LRRC4C: variants seen among roughly 807,000 people sequenced by gnomAD.
LRRC4C encodes leucine rich repeat containing 4C.
A neutral mutation model predicts 33.6 loss-of-function variants in LRRC4C; 5 were observed. The ratio of observed to expected loss-of-function variants is 0.15; its 90% CI spans 0.08 to 0.31. The LOEUF (loss-of-function observed/expected upper bound fraction) is 0.31, where lower values mean the gene tolerates loss of function less well. Among genes scored for constraint, LRRC4C ranks in the 10% least tolerant of loss-of-function variants. The pLI is 1.00. For synonymous variants in LRRC4C, 329 were observed against 302.0 expected, an observed-to-expected ratio of 1.09 and a Z score of -0.93; for missense variants, 560 against 796.7, an observed-to-expected ratio of 0.70 and a Z score of 3.58.
At chr11:40,675,764 T>G (rs534549571) in intron 2 of LRRC4C, among the ~76,000 whole-genome samples, 1 of 152,374 alleles carries the variant, frequency 6.6e-6, no homozygotes, top group Non-Finnish European at 1.5e-5. Flanking sequence ...TCACACAGTC[T>G]TTTGAATGCC....
At chr11:40,172,922 C>T (rs1364766752) in intron 5 of LRRC4C, among the ~76,000 whole-genome samples, 1 of 152,086 alleles carries the variant, frequency 6.6e-6, no homozygotes, top group African/African-American at 2.4e-5. Flanking sequence ...TCAAAAATGA[C>T]TGATCTCCTT....
intron 1 of LRRC4C, among the ~76,000 whole-genome samples, chr11:41,380,716 C>A (rs182992572): frequency 2.0e-5 from 3 of 152,128 alleles, no homozygotes; most frequent in South Asian, 2.1e-4. Context: ...AGGAATTTGC[C>A]AAATCCATTT....
intron 1 of LRRC4C, among the ~76,000 whole-genome samples, chr11:41,284,295 C>T (rs141046936): frequency 1.3e-5 from 2 of 152,180 alleles, no homozygotes; most frequent in Non-Finnish European, 2.9e-5. Context: ...TGTGAAAGTG[C>T]GTTTTACATA....
intron 1 of LRRC4C, among the ~76,000 whole-genome samples, chr11:40,975,484 C>T (rs956324269): frequency 6.6e-6 from 1 of 152,222 alleles, no homozygotes. Context: ...TTCTCTTCAT[C>T]CTTTAAAATA....
intron 1 of LRRC4C, among the ~76,000 whole-genome samples, chr11:41,458,722 A>T (rs1237824553): frequency 6.6e-6 from 1 of 152,112 alleles, no homozygotes; most frequent in Non-Finnish European, 1.5e-5. Flanking sequence ...GGGACCATGT[A>T]GGGTAAGAGG....
intron 3 of LRRC4C, among the ~76,000 whole-genome samples, chr11:40,575,953 TATATCTCAATATCAA>T (rs1336449796): frequency 6.6e-6 from 1 of 152,232 alleles, no homozygotes; most frequent in Non-Finnish European, 1.5e-5. Context: ...CTTATAAAAT[TATATCTCAATATCAA>T]ATAGCCAACA....
intron 5 of LRRC4C, among the ~76,000 whole-genome samples, chr11:40,186,269 A>G (rs1861393411): frequency 6.6e-6 from 1 of 152,086 alleles, no homozygotes; most frequent in South Asian, 2.1e-4. Flanking sequence ...AATTTTAGTT[A>G]ATGCTTTTCC....
chr11:40,828,729 A>T (rs1565108249), intron 2 of LRRC4C, among the ~76,000 whole-genome samples: 1 of 151,728 alleles, frequency 6.6e-6, no homozygotes, highest in Non-Finnish European at 1.5e-5. Flanking sequence ...CCTCTCTAGG[A>T]TTTCATTTCC....
chr11:40,756,729 G>A lies in LRRC4C; in HGVS notation c.-406-108451C>T, dbSNP rs559056043. 2.1e-4 allele frequency among the ~76,000 whole-genome samples: 32 copies of A among 152,064 alleles called. No homozygotes were observed. In the East Asian group the frequency reaches 4.8e-3, roughly 23 times the overall value. ...TAATATTTAATGTGAAGCATCCTAAGCAATGCATTTTCAAAACATTTTCAC... is the reference window on the plus strand; with the variant it reads ...TAATATTTAATGTGAAGCATCCTAAACAATGCATTTTCAAAACATTTTCAC... On this transcript the variant is annotated intron_variant, in intron 2 of 6. Coordinates refer to ENST00000528697, the MANE Select transcript of LRRC4C (RefSeq NM_001258419.2).
In LRRC4C at chr11:41,326,394, C is replaced by G. The variant is rs1951118958; in HGVS notation, c.-496+133037G>C. ...AGGTTTTGGGACTCAAACTGTTTTC[C>G]TTGCTCCTCAGCTTGCAGACAGCCT... is the stretch of plus-strand genomic sequence containing the variant. On this transcript the variant is annotated intron_variant, in intron 1 of 6. Coordinates refer to ENST00000528697, the MANE Select transcript of LRRC4C (RefSeq NM_001258419.2). 2.0e-5 allele frequency among the ~76,000 whole-genome samples: 3 copies of G among 151,998 alleles called. No homozygotes were observed. The South Asian group carries it at 6.2e-4, about 32-fold the overall frequency.
intron 2 of LRRC4C, among the ~76,000 whole-genome samples, chr11:40,867,732 G>C (rs1448172222): frequency 6.6e-6 from 1 of 152,156 alleles, no homozygotes; most frequent in Non-Finnish European, 1.5e-5. Context: ...GACAACAGCT[G>C]AATTTAAATT....
chr11:40,816,442 C>G (rs1045449236), intron 2 of LRRC4C, among the ~76,000 whole-genome samples: 1 of 152,188 alleles, frequency 6.6e-6, no homozygotes, highest in Admixed American at 6.5e-5. Flanking sequence ...TTGTAAACTA[C>G]TCTGCCTGAA....
intron 1 of LRRC4C, among the ~76,000 whole-genome samples, chr11:41,121,052 C>G (rs953276880): frequency 2.0e-5 from 3 of 152,056 alleles, no homozygotes; most frequent in African/African-American, 7.2e-5. Flanking sequence ...TATAAATTAC[C>G]CAGTCTCAGG....
chr11:40,951,104 T>TATAAATAAGG (rs1353776698), intron 1 of LRRC4C, among the ~76,000 whole-genome samples: 1 of 151,994 alleles, frequency 6.6e-6, no homozygotes, highest in Admixed American at 6.6e-5. Context: ...CCATTCTGCA[T>TATAAATAAGG]ATAAATAAGG....
chr11:40,766,087 A>T (rs1949437999), intron 2 of LRRC4C, among the ~76,000 whole-genome samples: 1 of 151,500 alleles, frequency 6.6e-6, no homozygotes, highest in Non-Finnish European at 1.5e-5. Flanking sequence ...CAGCAAGAAA[A>T]AAAAAAAAAC....
At chr11:40,868,267 GGGAATGTGGT>G (rs1317444375) in intron 2 of LRRC4C, among the ~76,000 whole-genome samples, 2 of 152,098 alleles carry the variant, frequency 1.3e-5, no homozygotes, top group Non-Finnish European at 2.9e-5. Flanking sequence ...AAAAGGAACA[GGGAATGTGGT>G]TTTAATTGCC....
At position 40,218,842 on chromosome 11, in the gene LRRC4C, ACACT is replaced by A. The variant is rs1426645268; in HGVS notation, c.-96+22673_-96+22676del. On this transcript the variant is annotated intron_variant, in intron 5 of 6. Transcript: ENST00000528697. ...GGTCTCATCTCCTACCTTTCTCCACACACTCACTCTGTTGCATCCACACTGGCCT... is the reference window on the plus strand; with the variant it reads ...GGTCTCATCTCCTACCTTTCTCCACACACTCTGTTGCATCCACACTGGCCT... Among the ~76,000 whole-genome samples, 5 of 151,576 alleles carry A rather than the reference ACACT, an allele frequency of 3.3e-5. No homozygotes were observed. The East Asian group carries it at 9.7e-4, about 30-fold the overall frequency.
chr11:40,493,000 G>A (rs1308427256), intron 3 of LRRC4C, among the ~76,000 whole-genome samples: 1 of 151,568 alleles, frequency 6.6e-6, no homozygotes, highest in Non-Finnish European at 1.5e-5. Flanking sequence ...ACTTGAAAGT[G>A]GAAAACAGTG....
chr11:41,082,296 T>C (rs956160019), intron 1 of LRRC4C, among the ~76,000 whole-genome samples: 1 of 152,130 alleles, frequency 6.6e-6, no homozygotes, highest in Non-Finnish European at 1.5e-5. Context: ...GACTTGTAAA[T>C]ACGCAGTTGC....
Sources: allele counts gnomAD v4.1 joint callset (sites outside exome capture counted in the v4.1 genomes callset), GRCh38; gene constraint gnomAD v4.1.1; transcripts MANE v1.5; gene names NCBI Gene and HGNC (gene_info 2026-07-23, HGNC 2026-07-21).